The following MDGA2 variants were observed in gnomAD, a reference collection of about 807,000 sequenced individuals.
The protein encoded by MDGA2 is MAM domain-containing glycosylphosphatidylinositol anchor protein 2.
In MDGA2, 40 loss-of-function variants were observed where a neutral mutation model predicts 117.8. That is an observed-to-expected ratio of 0.34 (90% CI 0.26 to 0.44). MDGA2 has a LOEUF of 0.44. MDGA2 is among the 20% of genes least tolerant of loss of function. The pLI is 1.00. For missense variants in MDGA2, 1,123 were observed against 1,250.6 expected, an observed-to-expected ratio of 0.90 and a Z score of 1.54; for synonymous variants, 452 against 439.0, an observed-to-expected ratio of 1.03 and a Z score of -0.37.
chr14:47,464,106 C>CAT (rs1893548324), intron 1 of MDGA2, among the ~76,000 whole-genome samples: 1 of 65,094 alleles, frequency 1.5e-5, no homozygotes, highest in Non-Finnish European at 3.6e-5. Flanking sequence ...TATGTACACA[C>CAT]ACACACACAC....
intron 1 of MDGA2, among the ~76,000 whole-genome samples, chr14:47,349,271 C>T (rs868564909): frequency 2.6e-5 from 4 of 152,316 alleles, no homozygotes; most frequent in Non-Finnish European, 4.4e-5. Context: ...CCAAATGCCT[C>T]TTTTTCGTTT....
chr14:47,337,768 A>G (rs573819801), intron 1 of MDGA2, among the ~76,000 whole-genome samples: 5 of 152,142 alleles, frequency 3.3e-5, no homozygotes, highest in African/African-American at 1.2e-4. Context: ...GATATTAAGC[A>G]TTTAGAATTA....
At position 47,433,913 on chromosome 14, in the gene MDGA2, T is replaced by G. The variant is rs1018978215; in HGVS notation, c.281-132363A>C. 2.6e-4 allele frequency among the ~76,000 whole-genome samples: 39 copies of G among 152,164 alleles called. 1 individual carries two copies. Among genetic ancestry groups the G allele is most frequent in the African/African-American group, 9.2e-4 (38 of 41,460 alleles). ...AACAATTATCAGTCATTGTAAAGTT[T>G]TGCATGTGTTTGAAAATTTAATCAT... On this transcript the variant is annotated intron_variant, in intron 1 of 16. Coordinates refer to ENST00000399232, the MANE Select transcript of MDGA2 (RefSeq NM_001113498.3).
chr14:47,293,515 T>G (rs886403994), intron 2 of MDGA2, among the ~76,000 whole-genome samples: 8 of 152,230 alleles, frequency 5.3e-5, no homozygotes, highest in Non-Finnish European at 1.2e-4. Context: ...CCACCTACTT[T>G]GTTGAGTTAA....
chr14:47,265,414 A>T (rs1887933769), intron 2 of MDGA2, among the ~76,000 whole-genome samples: 1 of 152,122 alleles, frequency 6.6e-6, no homozygotes, highest in Non-Finnish European at 1.5e-5. Context: ...GTTAATCAAG[A>T]TTTAATAATA....
intron 1 of MDGA2, among the ~76,000 whole-genome samples, chr14:47,588,410 G>A (rs937405010): frequency 4.0e-5 from 6 of 151,328 alleles, no homozygotes; most frequent in Non-Finnish European, 5.9e-5. Context: ...TAACATCCTT[G>A]TCAACATTGC....
At chr14:47,465,497 A>G (rs1165613440) in intron 1 of MDGA2, among the ~76,000 whole-genome samples, 2 of 152,058 alleles carry the variant, frequency 1.3e-5, no homozygotes, top group Non-Finnish European at 2.9e-5. Context: ...AAAACAAACA[A>G]CCCCATTAAA....
chr14:47,025,812 G>A (rs2138607050), intron 8 of MDGA2, among the ~76,000 whole-genome samples: 1 of 152,136 alleles, frequency 6.6e-6, no homozygotes, highest in Non-Finnish European at 1.5e-5. Context: ...CTCTCTAGAT[G>A]CCAGGAGCAT....
At chr14:47,341,387 C>T (rs1050650401) in intron 1 of MDGA2, among the ~76,000 whole-genome samples, 9 of 152,154 alleles carry the variant, frequency 5.9e-5, no homozygotes, top group Non-Finnish European at 1.2e-4. Flanking sequence ...ATCTGGATTA[C>T]TCTTTTCAAC....
At chr14:47,223,430 C>A (rs1594736051) in intron 2 of MDGA2, among the ~76,000 whole-genome samples, 1 of 152,134 alleles carries the variant, frequency 6.6e-6, no homozygotes, top group Non-Finnish European at 1.5e-5. Flanking sequence ...GTATCGTAAA[C>A]TACTGCTTAA....
chr14:47,128,430 C>T (rs190736112), intron 5 of MDGA2, among the ~76,000 whole-genome samples: 1 of 151,964 alleles, frequency 6.6e-6, no homozygotes, highest in Admixed American at 6.6e-5. Flanking sequence ...ATAGGCCATA[C>T]TTTCATTTTA....
intron 1 of MDGA2, among the ~76,000 whole-genome samples, chr14:47,672,282 A>G (rs1022256104): frequency 8.5e-5 from 13 of 152,342 alleles, no homozygotes; most frequent in African/African-American, 2.9e-4. Flanking sequence ...TACATGACTA[A>G]TAACCACATC....
In MDGA2 at chr14:47,180,126, T is replaced by C. The variant is rs141442620; in HGVS notation, c.596-35852A>G. ...GTTTGTTGTACAGATTATTGCATCA[T>C]CCAGGTATATTGAGCCTAGTACCCA... On this transcript the variant is annotated intron_variant, in intron 3 of 16. Coordinates refer to ENST00000399232, the MANE Select transcript of MDGA2 (RefSeq NM_001113498.3). Among the ~76,000 whole-genome samples the C allele has an allele frequency of 8.5e-4, 129 of 152,224 alleles. 1 individual carries two copies. Among genetic ancestry groups the C allele is most frequent in the African/African-American group, 2.9e-3 (121 of 41,558 alleles).
At chr14:46,934,133 C>A (rs1420043532) in intron 9 of MDGA2, among the ~76,000 whole-genome samples, 1 of 151,742 alleles carries the variant, frequency 6.6e-6, no homozygotes, top group Non-Finnish European at 1.5e-5. Flanking sequence ...GAAATAAAAA[C>A]TATATTTTCA....
At position 47,230,565 on chromosome 14, in the gene MDGA2, A is replaced by G. The variant is rs183300618; in HGVS notation, c.421-12370T>C. Among the ~76,000 whole-genome samples the G allele has an allele frequency of 1.9e-3, 296 of 152,110 alleles. 3 individuals carry two copies. The highest frequency in any genetic ancestry group is 6.8e-3 in the African/African-American group (284 of 41,572). ...GAGAAAATTAACATCTCCAATTCCT[A>G]TCGGTACATTTTCAATCTTATGGAC... On this transcript the variant is annotated intron_variant, in intron 2 of 16. Transcript: ENST00000399232.
chr14:47,611,878 G>C (rs1644072198), intron 1 of MDGA2, among the ~76,000 whole-genome samples: 1 of 152,106 alleles, frequency 6.6e-6, no homozygotes, highest in East Asian at 1.9e-4. Context: ...ACATCAAAAA[G>C]CAATTATGGG....
At chr14:47,266,451 G>A (rs545672364) in intron 2 of MDGA2, among the ~76,000 whole-genome samples, 27 of 152,156 alleles carry the variant, frequency 1.8e-4, no homozygotes, top group Admixed American at 1.0e-3. Flanking sequence ...CTTCTACTTC[G>A]TCTCCTTCTC....
At chr14:46,951,019 G>A (rs1885353808) in intron 9 of MDGA2, among the ~76,000 whole-genome samples, 1 of 151,766 alleles carries the variant, frequency 6.6e-6, no homozygotes, top group African/African-American at 2.4e-5. Flanking sequence ...AAAGTCCTCA[G>A]TCATTTTTAA....
At chr14:47,514,593 T>A (rs1337486020) in intron 1 of MDGA2, among the ~76,000 whole-genome samples, 1 of 152,154 alleles carries the variant, frequency 6.6e-6, no homozygotes, top group Non-Finnish European at 1.5e-5. Context: ...TATACTTCCA[T>A]TATATCTCAT....
Sources: gnomAD v4.1 joint callset for allele counts (sites outside exome capture counted in the v4.1 genomes callset) on GRCh38, gnomAD v4.1.1 for gene constraint, MANE v1.5 for transcripts, NCBI Gene and HGNC (gene_info 2026-07-23, HGNC 2026-07-21) for gene names.